TRIM37: variants seen among roughly 807,000 people sequenced by gnomAD.
TRIM37 encodes the protein E3 ubiquitin-protein ligase TRIM37.
In TRIM37, 80 loss-of-function variants were observed where a neutral mutation model predicts 129.8. The observed-to-expected ratio is 0.62, with a 90% CI of 0.51 to 0.74. The LOEUF (loss-of-function observed/expected upper bound fraction) is 0.74, where lower values mean the gene tolerates loss of function less well. TRIM37 is among the 30% of genes least tolerant of loss of function. The probability of loss-of-function intolerance (pLI) is 0.00; values close to 1 mark genes in which losing one functional copy is unlikely to be tolerated. For synonymous variants in TRIM37, 389 were observed against 387.1 expected (o/e 1.00, Z -0.06); for missense variants, 1,054 against 1,176.5 (o/e 0.90, Z 1.52).
At chr17:59,105,311 C>A (rs2045895588) in intron 1 of TRIM37, among the ~76,000 whole-genome samples, 1 of 152,092 alleles carries the variant, frequency 6.6e-6, no homozygotes, top group Non-Finnish European at 1.5e-5. Context: ...CCTGATGTTA[C>A]AACAGACTAG....
At chr17:59,016,954 T>C (rs1031717992) in intron 20 of TRIM37, among the ~76,000 whole-genome samples, 2 of 152,076 alleles carry the variant, frequency 1.3e-5, no homozygotes, top group African/African-American at 4.8e-5. Flanking sequence ...GGCAGGCGGA[T>C]TGCTTGAGCT....
intron 24 of TRIM37, chr17:58,985,019 CAAAT>C (rs1372420335): frequency 1.3e-5 from 2 of 152,544 alleles, no homozygotes; most frequent in Admixed American, 6.6e-5. Flanking sequence ...AATTTCTTAC[CAAAT>C]AAATTTATCA....
intron 9 of TRIM37, among the ~76,000 whole-genome samples, chr17:59,066,349 C>T (rs150669761): frequency 6.2e-4 from 95 of 152,316 alleles, no homozygotes; most frequent in Middle Eastern, 3.4e-3. Flanking sequence ...AATCAATCCC[C>T]AGTTGCCTGC....
At position 59,106,791 on chromosome 17, in the gene TRIM37, G is replaced by C; in HGVS notation, c.-330C>G. On this transcript the variant is annotated 5_prime_UTR_variant, in exon 1 of 24. Transcript: ENST00000262294. ...GCGGGCGCGCGCCTATGGAACTGACGGTGGAGTTCAGCGAAGAAGGTGCCG... is the reference window on the plus strand; with the variant it reads ...GCGGGCGCGCGCCTATGGAACTGACCGTGGAGTTCAGCGAAGAAGGTGCCG... The C allele has an allele frequency of 5.6e-6, 3 of 538,582 alleles. No individual in the cohort carries two copies. Among genetic ancestry groups the C allele is most frequent in the Non-Finnish European group, 1.0e-5 (3 of 300,874 alleles). The allele number at this position is 538,582 out of a possible 1,614,324, so 33.4% of individuals were successfully genotyped here.
chr17:59,100,977 G>A (rs1263566086), intron 2 of TRIM37, among the ~76,000 whole-genome samples: 4 of 149,684 alleles, frequency 2.7e-5, no homozygotes, highest in Admixed American at 6.7e-5. Flanking sequence ...AGCGGAGATC[G>A]CGTCATTGCA....
chr17:59,058,165 A>G (rs1373084449), intron 12 of TRIM37, among the ~76,000 whole-genome samples: 1 of 152,232 alleles, frequency 6.6e-6, no homozygotes. Flanking sequence ...CAAAGGCTAT[A>G]AAATTTCCTA....
chr17:59,073,745 G>T (rs886342808), intron 8 of TRIM37, among the ~76,000 whole-genome samples: 1 of 152,162 alleles, frequency 6.6e-6, no homozygotes, highest in Non-Finnish European at 1.5e-5. Flanking sequence ...GACTACAGGT[G>T]TACACCCCAT....
At chr17:59,058,446 C>T (rs1373712684) in intron 12 of TRIM37, among the ~76,000 whole-genome samples, 1 of 152,090 alleles carries the variant, frequency 6.6e-6, no homozygotes, top group African/African-American at 2.4e-5. Context: ...GGCTTAATTC[C>T]TGGGTGATGA....
chr17:59,005,880 A>T (rs976907597), intron 22 of TRIM37, among the ~76,000 whole-genome samples: 1 of 152,112 alleles, frequency 6.6e-6, no homozygotes, highest in Non-Finnish European at 1.5e-5. Flanking sequence ...CACACATAAA[A>T]CGGCGATATT....
At chr17:59,056,777 C>G in intron 13 of TRIM37, 98 bp downstream of exon 13, 1 of 469,316 alleles carries the variant, frequency 2.1e-6, no homozygotes, top group South Asian at 1.6e-5. Context: ...GTATGAATTT[C>G]AATATTCATC....
chr17:59,070,706 T>A (rs962789904), intron 9 of TRIM37, 117 bp downstream of exon 9: 1 of 1,166,704 alleles, frequency 8.6e-7, no homozygotes, highest in South Asian at 1.4e-5. Context: ...TGAGACCCTA[T>A]CTATAAAAGA....
chr17:58,972,474 C>T, the TRIM37 span, among the ~76,000 whole-genome samples: 2 of 152,122 alleles, frequency 1.3e-5, no homozygotes, highest in African/African-American at 4.8e-5. Context: ...CCTCAGCCTC[C>T]CGAGTAGCTG....
chr17:59,089,831 T>A (rs1291659120), intron 3 of TRIM37, among the ~76,000 whole-genome samples: 2 of 152,054 alleles, frequency 1.3e-5, no homozygotes, highest in African/African-American at 2.4e-5. Flanking sequence ...CGAGGCACAG[T>A]GGTTCACGCT....
At chr17:59,098,768 T>C (rs1829664273) in intron 2 of TRIM37, among the ~76,000 whole-genome samples, 1 of 151,196 alleles carries the variant, frequency 6.6e-6, no homozygotes, top group Non-Finnish European at 1.5e-5. Context: ...ATTTCACTTC[T>C]AGATATATAT....
At chr17:59,031,686 C>A (rs1185759454) in intron 18 of TRIM37, among the ~76,000 whole-genome samples, 2 of 152,222 alleles carry the variant, frequency 1.3e-5, no homozygotes, top group Non-Finnish European at 2.9e-5. Flanking sequence ...AACCTTCTTG[C>A]AGGCATTTTT....
At chr17:58,990,668 GTAATCCCAGC>G (rs1296344466) in intron 24 of TRIM37, among the ~76,000 whole-genome samples, 2 of 151,382 alleles carry the variant, frequency 1.3e-5, no homozygotes, top group Non-Finnish European at 2.9e-5. Flanking sequence ...GTGCGCACCT[GTAATCCCAGC>G]TACTCAGGAG....
At chr17:58,995,931 C>T (rs2032941559), downstream of TRIM37, among the ~76,000 whole-genome samples, 4 of 151,562 alleles carry the variant, frequency 2.6e-5, no homozygotes, top group Admixed American at 2.6e-4. Flanking sequence ...CGCTTAAGCC[C>T]AGGGGGTTGA....
At chr17:59,035,734 G>A (rs553276924) in intron 17 of TRIM37, among the ~76,000 whole-genome samples, 18 of 151,420 alleles carry the variant, frequency 1.2e-4, no homozygotes, top group African/African-American at 3.4e-4. Context: ...GCAACAGAGC[G>A]AGATTCAAAA....
At chr17:59,106,059 A>C (rs558305807) in intron 1 of TRIM37, among the ~76,000 whole-genome samples, 3 of 152,310 alleles carry the variant, frequency 2.0e-5, no homozygotes, top group Admixed American at 6.5e-5. Flanking sequence ...AAAGATGACT[A>C]TCCATTTGGA....
Sources: allele counts gnomAD v4.1 joint callset (sites outside exome capture counted in the v4.1 genomes callset), GRCh38; gene constraint gnomAD v4.1.1; transcripts MANE v1.5; gene names NCBI Gene and HGNC (gene_info 2026-07-23, HGNC 2026-07-21).